The following NCOA4 variants were observed in gnomAD, a reference collection of about 807,000 sequenced individuals.
The protein encoded by NCOA4 is nuclear receptor coactivator 4.
A neutral mutation model predicts 69.5 loss-of-function variants in NCOA4; 31 were observed. That is an observed-to-expected ratio of 0.45 (90% CI 0.34 to 0.60). NCOA4 has a LOEUF of 0.60. Ranked by LOEUF, NCOA4 falls within the 20% of genes least tolerant of loss-of-function variation. The pLI, the probability that NCOA4 is intolerant of heterozygous loss-of-function variation, is 0.02. For synonymous variants in NCOA4, 228 were observed against 252.4 expected (o/e 0.90, Z 0.92); for missense variants, 600 against 719.2 (o/e 0.83, Z 1.90).
intron 5 of NCOA4, 31 bp downstream of exon 5, chr10:46,014,413 A>C: frequency 6.8e-7 from 1 of 1,463,700 alleles, no homozygotes; most frequent in Non-Finnish European, 9.5e-7. Context: ...AGATATGAGA[A>C]GTGCCCAGTG....
At chr10:46,023,507 G>A in intron 1 of NCOA4, 2 of 985,550 alleles carry the variant, frequency 2.0e-6, no homozygotes, top group Non-Finnish European at 2.4e-6. Flanking sequence ...GCGGGGAGGA[G>A]CGGAAAACTC....
chr10:46,022,910 C>T (rs545979700), intron 1 of NCOA4, among the ~76,000 whole-genome samples: 9 of 152,142 alleles, frequency 5.9e-5, no homozygotes, highest in Admixed American at 3.3e-4. Context: ...ACCACACAAA[C>T]AAACGTTAAT....
intron 1 of NCOA4, chr10:46,023,552 C>T: frequency 1.0e-6 from 1 of 983,442 alleles, no homozygotes; most frequent in Non-Finnish European, 1.2e-6. Flanking sequence ...CCAGTCCCCG[C>T]TGGCGCTCGC....
intron 5 of NCOA4, 74 bp downstream of exon 5, chr10:46,014,370 A>T: frequency 1.9e-6 from 2 of 1,078,766 alleles, no homozygotes; most frequent in South Asian, 1.4e-5. Flanking sequence ...CACTATTCAT[A>T]GCAATTTTTT....
chr10:46,016,323 G>C (rs749072150), intron 2 of NCOA4, among the ~76,000 whole-genome samples: 1 of 152,152 alleles, frequency 6.6e-6, no homozygotes, highest in Non-Finnish European at 1.5e-5. Context: ...GAATTTTCTA[G>C]AATGGCACAG....
rs1199163261 is a variant in NCOA4, at chr10:46,013,537, AATG to A, written c.570+10_570+12del. On this transcript the variant is annotated intron_variant, in intron 6 of 9. Coordinates refer to ENST00000581486, the MANE Select transcript of NCOA4 (RefSeq NM_001145263.2). ...GTAATGACTCAATTACCAAAAACAA[AATG>A]ATATTTTACCTGCTCTGGCATGGAG... The A allele has an allele frequency of 3.8e-6, 6 of 1,586,840 alleles. No homozygotes were observed. The African/African-American group carries it at 5.4e-5, about 14-fold the overall frequency.
Position 46,005,178 on chromosome 10 carries a change from A to G in NCOA4, c.*1414T>C, listed in dbSNP as rs782212272. On this transcript the variant is annotated 3_prime_UTR_variant, in exon 10 of 10. Transcript: ENST00000581486. ...ACTCATTAACATAGTGATTAATGTA[A>G]ATTATATTTTGACTTGTAAAATACA... The G allele has an allele frequency of 4.9e-5, 10 of 202,812 alleles. No homozygotes were observed. The highest frequency in any genetic ancestry group is 9.2e-5 in the African/African-American group (4 of 43,604). 12.6% of individuals were successfully genotyped at this position (202,812 alleles called of 1,614,324 possible). A position where few individuals can be genotyped will look rare whatever the true frequency, so the allele number is the denominator to read the frequency against.
In NCOA4 at chr10:46,006,055, AT is replaced by A. The variant is rs2132301463; in HGVS notation, c.*536del. 1 of 206,374 alleles carries A rather than the reference AT, an allele frequency of 4.8e-6. No homozygotes were observed. Among genetic ancestry groups the A allele is most frequent in the South Asian group, 1.9e-4 (1 of 5,332 alleles). The allele number at this position is 206,374 out of a possible 1,614,324, so 12.8% of individuals were successfully genotyped here. ...ATGTCAAAAATTGCCAAGATTATTA[AT>A]ATATATTTTGGTAATCACTATTGAC... On this transcript the variant is annotated 3_prime_UTR_variant, in exon 10 of 10. Coordinates refer to ENST00000581486, the MANE Select transcript of NCOA4 (RefSeq NM_001145263.2).
At chr10:46,017,922 A>G (rs1483981454) in intron 1 of NCOA4, among the ~76,000 whole-genome samples, 1 of 152,254 alleles carries the variant, frequency 6.6e-6, no homozygotes, top group Non-Finnish European at 1.5e-5. Context: ...GAATAGGTTC[A>G]CTAAGCCTTG....
chr10:46,013,719 A>C, intron 5 of NCOA4, 80 bp from the exon 6 acceptor site: 1 of 930,746 alleles, frequency 1.1e-6, no homozygotes, highest in Non-Finnish European at 1.7e-6. Context: ...AATTTCAAAA[A>C]TGTTAAAGCA....
At chr10:46,027,508 A>G (rs1840230233) in intron 1 of NCOA4, 2 of 1,544,782 alleles carry the variant, frequency 1.3e-6, no homozygotes, top group African/African-American at 2.7e-5. Context: ...TTCTATGTTG[A>G]AGCAATGTGT....
Position 46,006,232 on chromosome 10 carries a change from A to G in NCOA4, c.*360T>C, listed in dbSNP as rs1554919654. On this transcript the variant is annotated 3_prime_UTR_variant, in exon 10 of 10. Coordinates refer to ENST00000581486, the MANE Select transcript of NCOA4 (RefSeq NM_001145263.2). ...AGTTTACTAGCTTTAGAATACATCA[A>G]TATACTTCGATAAACAAGAGTGTTT... 3.4e-5 allele frequency: 11 copies of G among 321,182 alleles called. No homozygotes were observed. Among genetic ancestry groups the G allele is most frequent in the South Asian group, 2.1e-4 (3 of 14,444 alleles). 19.9% of individuals were successfully genotyped at this position (321,182 alleles called of 1,614,324 possible). A position where few individuals can be genotyped will look rare whatever the true frequency, so the allele number is the denominator to read the frequency against.
rs1554922878 is a variant in NCOA4, at chr10:46,015,188, C to T, written c.220G>A (p.Val74Met). ...RSREVWLYEQ[V>M]DLIYQLKEET... Reference sequence around the variant, plus strand: ...TCTTTAAGCTGATAAATAAGGTCCACCTGTTCATACAGCCATACCTCACGG... The same window carrying T: ...TCTTTAAGCTGATAAATAAGGTCCATCTGTTCATACAGCCATACCTCACGG... The change falls in exon 3 of 10, where the codon GTG becomes ATG. Residue 74 changes from valine to methionine, a missense_variant. By Grantham distance (21) the Val-to-Met change is conservative. Transcript: ENST00000581486. 1 of 1,614,146 alleles carries T rather than the reference C, an allele frequency of 6.2e-7. No individual in the cohort carries two copies. The highest frequency in any genetic ancestry group is 1.1e-5 in the South Asian group (1 of 91,078).
chr10:46,006,428 T>G lies in NCOA4; in HGVS notation c.*164A>C, dbSNP rs576872026. On this transcript the variant is annotated 3_prime_UTR_variant, in exon 10 of 10. Transcript: ENST00000581486. ...CAGCATTTTTCTTTTAAACAGTAAC[T>G]CATAATCTGATGACTCACTTTGCTT... 187 of 742,848 alleles carry G rather than the reference T, an allele frequency of 2.5e-4. No individual in the cohort carries two copies. In the African/African-American group the frequency reaches 2.9e-3, roughly 12 times the overall value. 46.0% of individuals were successfully genotyped at this position (742,848 alleles called of 1,614,324 possible).
intron 7 of NCOA4, among the ~76,000 whole-genome samples, chr10:46,012,070 GAAAAAAAAAAAAAAAAAAAAAAAA>G (rs71026286): frequency 4.5e-5 from 2 of 44,524 alleles, no homozygotes; most frequent in East Asian, 1.7e-3. Flanking sequence ...CAAAAAGAAA[GAAAAAAAAAAAAAAAAAAAAAAAA>G]AAAAAAAAAC....
At chr10:46,011,477 G>C (rs556083078) in intron 7 of NCOA4, among the ~76,000 whole-genome samples, 2 of 149,550 alleles carry the variant, frequency 1.3e-5, no homozygotes, top group Non-Finnish European at 3.0e-5. Flanking sequence ...GGGTTTCACC[G>C]TGTTAGCCAG....
In NCOA4 at chr10:46,005,541, C is replaced by T. The variant is rs567556405; in HGVS notation, c.*1051G>A. On this transcript the variant is annotated 3_prime_UTR_variant, in exon 10 of 10. Coordinates refer to ENST00000581486, the MANE Select transcript of NCOA4 (RefSeq NM_001145263.2). ...CTACACAGACATTTTAAAGCATGGA[C>T]GTAACTTTAAGGAGACTGAGAAAAC... 22 of 220,382 alleles carry T rather than the reference C, an allele frequency of 1.0e-4. No individual in the cohort carries two copies. Among genetic ancestry groups the T allele is most frequent in the Non-Finnish European group, 1.5e-4 (16 of 109,668 alleles). The allele number at this position is 220,382 out of a possible 1,614,324, so 13.7% of individuals were successfully genotyped here.
In NCOA4 at chr10:46,010,690, T is replaced by C. The variant is rs141175678; in HGVS notation, c.1231A>G (p.Thr411Ala). 3.5e-5 allele frequency: 56 copies of C among 1,614,140 alleles called. No individual in the cohort carries two copies. In the African/African-American group the frequency reaches 7.3e-4, roughly 21 times the overall value. The change falls in exon 8 of 10, where the codon ACA (threonine) becomes GCA (alanine). Residue 411 changes from threonine to alanine, a missense_variant. By Grantham distance (58) the Thr-to-Ala change is moderately conservative. Transcript: ENST00000581486. ...TCACACACACACTCTGCAAAGCTTG[T>C]GCAGGGCTCATTGGCTCTGCACACC... ...EEVCRANEPC[T>A]SFAECVCDEN...
At position 46,013,646 on chromosome 10, in the gene NCOA4, A is replaced by G. The variant is rs1554922349; in HGVS notation, c.481-7T>C. ...TCAAGTGCTCAGGAATTTGCTACAAAATAGAGATAATTTAATCATGTTATT... is the reference window on the plus strand; with the variant it reads ...TCAAGTGCTCAGGAATTTGCTACAAGATAGAGATAATTTAATCATGTTATT... On this transcript the variant is annotated splice_polypyrimidine_tract_variant and splice_region_variant and intron_variant, in intron 5 of 9. Coordinates refer to ENST00000581486, the MANE Select transcript of NCOA4 (RefSeq NM_001145263.2). 2.5e-6 allele frequency: 4 copies of G among 1,584,476 alleles called. No individual in the cohort carries two copies. The highest frequency in any genetic ancestry group is 3.4e-6 in the Non-Finnish European group (4 of 1,160,224).
Sources: gnomAD v4.1 joint callset for allele counts (sites outside exome capture counted in the v4.1 genomes callset) on GRCh38, gnomAD v4.1.1 for gene constraint, MANE v1.5 for transcripts, NCBI Gene and HGNC (gene_info 2026-07-23, HGNC 2026-07-21) for gene names.